The following FIRRM variants were observed in gnomAD, a reference collection of about 807,000 sequenced individuals.
FIRRM encodes the protein FIGNL1-interacting regulator of recombination and mitosis.
chr1:169,814,849 A>G, the FIRRM span, among the ~76,000 whole-genome samples: 2 of 152,228 alleles, frequency 1.3e-5, no homozygotes, highest in Non-Finnish European at 2.9e-5. Flanking sequence ...ATTTTAGACC[A>G]CATGGGGGTT....
At chr1:169,806,131 C>T in the FIRRM span, 1 of 1,115,034 alleles carries the variant, frequency 9.0e-7, no homozygotes, top group Non-Finnish European at 1.3e-6. Flanking sequence ...AAATGTTTTC[C>T]ATATTCCCCA....
the FIRRM span, chr1:169,821,785 AT>A: frequency 6.8e-7 from 1 of 1,463,624 alleles, no homozygotes; most frequent in Non-Finnish European, 9.5e-7. Flanking sequence ...ACGTTACTTT[AT>A]TTAATTGTAG....
At chr1:169,833,846 CTT>C in the FIRRM span, among the ~76,000 whole-genome samples, 7,238 of 96,034 alleles carry the variant, frequency 0.075, 313 homozygotes, top group Middle Eastern at 0.12. Context: ...AGTCACTTTC[CTT>C]TTTTTTTTTT....
the FIRRM span, chr1:169,792,816 C>G: frequency 9.9e-6 from 16 of 1,613,618 alleles, no homozygotes; most frequent in Non-Finnish European, 1.4e-5. Context: ...TAAATGGTTT[C>G]TGAGGTGAGA....
the FIRRM span, chr1:169,830,461 C>A: frequency 2.0e-6 from 2 of 1,012,388 alleles, no homozygotes; most frequent in African/African-American, 1.6e-5. Context: ...AAATAATTCC[C>A]AAAACGCTTT....
At chr1:169,826,664 A>C in the FIRRM span, among the ~76,000 whole-genome samples, 1 of 152,134 alleles carries the variant, frequency 6.6e-6, no homozygotes, top group Non-Finnish European at 1.5e-5. Flanking sequence ...CGCTCCGCCC[A>C]AAAACAACTT....
the FIRRM span, chr1:169,843,808 G>C: frequency 7.5e-7 from 1 of 1,334,264 alleles, no homozygotes; most frequent in Non-Finnish European, 1.1e-6. Context: ...GTTTGCTAAG[G>C]AGGTTGCTAA....
At chr1:169,800,292 G>A in the FIRRM span, among the ~76,000 whole-genome samples, 16 of 151,804 alleles carry the variant, frequency 1.1e-4, no homozygotes, top group African/African-American at 3.4e-4. Context: ...CAGTCCTCCC[G>A]CCTCAGCCAC....
chr1:169,819,970 G>A, the FIRRM span, among the ~76,000 whole-genome samples: 2 of 152,160 alleles, frequency 1.3e-5, no homozygotes, highest in Non-Finnish European at 2.9e-5. Flanking sequence ...TCCAGAAGGA[G>A]CCCAGAGCAG....
chr1:169,841,944 G>A, the FIRRM span, among the ~76,000 whole-genome samples: 4 of 152,000 alleles, frequency 2.6e-5, no homozygotes, highest in African/African-American at 7.2e-5. Context: ...TTGGGAGGCC[G>A]AGGCTGGCAG....
chr1:169,793,016 G>A, the FIRRM span: 40 of 1,613,914 alleles, frequency 2.5e-5, no homozygotes, highest in Non-Finnish European at 2.8e-5. Context: ...ATTAGGTAAG[G>A]TTACTTCATC....
chr1:169,837,953 C>A, the FIRRM span, among the ~76,000 whole-genome samples: 10 of 152,074 alleles, frequency 6.6e-5, no homozygotes, highest in African/African-American at 2.4e-4. Context: ...AATTTTTTGG[C>A]GGGGATGAGG....
chr1:169,803,220 G>A, the FIRRM span: 1 of 1,613,990 alleles, frequency 6.2e-7, no homozygotes, highest in Middle Eastern at 1.7e-4. Context: ...GCATATCTGT[G>A]CCACACAGGA....
the FIRRM span, chr1:169,827,984 T>TATATA: frequency 1.3e-6 from 1 of 762,576 alleles, no homozygotes; most frequent in Non-Finnish European, 2.1e-6. Context: ...CACATATATA[T>TATATA]TGCTACTTTA....
the FIRRM span, chr1:169,806,227 A>G: frequency 1.5e-5 from 9 of 596,732 alleles, no homozygotes; most frequent in Non-Finnish European, 2.3e-5. Context: ...CTGATAATCC[A>G]GATATTCTAC....
chr1:169,800,082 T>C, the FIRRM span, among the ~76,000 whole-genome samples: 1 of 151,980 alleles, frequency 6.6e-6, no homozygotes, highest in Non-Finnish European at 1.5e-5. Flanking sequence ...AAAACTGGAG[T>C]GTAGTGGTGC....
the FIRRM span, chr1:169,827,695 T>C: frequency 6.2e-7 from 1 of 1,613,530 alleles, no homozygotes; most frequent in South Asian, 1.1e-5. Flanking sequence ...ATTAATGTGT[T>C]TTTATTACAT....
the FIRRM span, among the ~76,000 whole-genome samples, chr1:169,800,576 CTT>C: frequency 6.6e-6 from 1 of 152,100 alleles, no homozygotes; most frequent in African/African-American, 2.4e-5. Flanking sequence ...ATTTTGGAAA[CTT>C]TTTGTTTAAC....
At chr1:169,795,132 C>T in the FIRRM span, 4 of 1,535,948 alleles carry the variant, frequency 2.6e-6, no homozygotes, top group South Asian at 2.4e-5. Flanking sequence ...TCCCAGCTAG[C>T]GCGGTTCCCC....
Sources: allele counts gnomAD v4.1 joint callset (sites outside exome capture counted in the v4.1 genomes callset), GRCh38; gene constraint gnomAD v4.1.1; transcripts MANE v1.5; gene names NCBI Gene and HGNC (gene_info 2026-07-23, HGNC 2026-07-21).